Variants in OR2L13 observed in about 807,000 individuals in gnomAD.
OR2L13 encodes olfactory receptor family 2 subfamily L member 13.
In OR2L13, 14 loss-of-function variants were observed where a neutral mutation model predicts 15.3. The ratio of observed to expected loss-of-function variants is 0.91; its 90% CI spans 0.60 to 1.43. The LOEUF (loss-of-function observed/expected upper bound fraction) is 1.43, where lower values mean the gene tolerates loss of function less well. Ranked by LOEUF, OR2L13 falls within the 40% of genes most tolerant of loss-of-function variation. The pLI is 0.00. For synonymous variants in OR2L13, 152 were observed against 142.9 expected, an observed-to-expected ratio of 1.06 and a Z score of -0.45; for missense variants, 367 against 387.9, an observed-to-expected ratio of 0.95 and a Z score of 0.45.
chr1:248,086,801 T>G, the OR2L13 span, among the ~76,000 whole-genome samples: 1 of 151,904 alleles, frequency 6.6e-6, no homozygotes, highest in East Asian at 1.9e-4. Flanking sequence ...AACATTTTAA[T>G]ACTTTTGTAT....
At chr1:247,994,436 A>G in the OR2L13 span, among the ~76,000 whole-genome samples, 2 of 152,092 alleles carry the variant, frequency 1.3e-5, no homozygotes, top group African/African-American at 4.8e-5. Context: ...TGATTATGTT[A>G]CTATGACTGT....
the OR2L13 span, among the ~76,000 whole-genome samples, chr1:248,031,288 T>A: frequency 6.6e-6 from 1 of 152,216 alleles, no homozygotes; most frequent in African/African-American, 2.4e-5. Context: ...CCTTGGAACA[T>A]GAATAATCAA....
At chr1:248,001,251 T>G in the OR2L13 span, among the ~76,000 whole-genome samples, 1 of 152,028 alleles carries the variant, frequency 6.6e-6, no homozygotes, top group Non-Finnish European at 1.5e-5. Context: ...AATCAAGGAA[T>G]GAATGCTGTG....
the OR2L13 span, among the ~76,000 whole-genome samples, chr1:247,980,619 G>T: frequency 1.3e-5 from 2 of 152,078 alleles, no homozygotes; most frequent in Non-Finnish European, 2.9e-5. Context: ...ATTTCTAAAC[G>T]TTGGACTAAG....
the OR2L13 span, chr1:248,038,113 T>A: frequency 1.8e-6 from 1 of 564,390 alleles, no homozygotes. Context: ...AATATGCATT[T>A]ATGGATATAA....
chr1:248,033,345 A>T, the OR2L13 span, among the ~76,000 whole-genome samples: 1 of 152,148 alleles, frequency 6.6e-6, no homozygotes. Flanking sequence ...TGTCCCTTCC[A>T]CATTGAGTAA....
chr1:248,038,729 C>T, the OR2L13 span: 1 of 1,614,038 alleles, frequency 6.2e-7, no homozygotes, highest in African/African-American at 1.3e-5. Flanking sequence ...GCTCTATCAA[C>T]TCTTGTGCTC....
chr1:247,977,992 G>A, the OR2L13 span, among the ~76,000 whole-genome samples: 1 of 152,138 alleles, frequency 6.6e-6, no homozygotes, highest in Non-Finnish European at 1.5e-5. Flanking sequence ...AGGCTGATAT[G>A]AGGCTTCCTT....
At chr1:248,056,336 G>T in the OR2L13 span, among the ~76,000 whole-genome samples, 151,542 of 152,238 alleles carry the variant, frequency 1, 75,428 homozygotes, top group Non-Finnish European at 1. Context: ...AAGGGTTTTT[G>T]TGGGTCTCCA....
At chr1:247,982,115 CATA>C in the OR2L13 span, among the ~76,000 whole-genome samples, 5 of 152,022 alleles carry the variant, frequency 3.3e-5, no homozygotes, top group Non-Finnish European at 7.4e-5. Flanking sequence ...GCGCCTGGCC[CATA>C]ATAACAATTT....
upstream of OR2L13, among the ~76,000 whole-genome samples, chr1:248,095,655 G>A (rs570848825): frequency 8.0e-4 from 55 of 69,016 alleles, no homozygotes; most frequent in Non-Finnish European, 1.5e-3. Context: ...CACCCAGGCT[G>A]GAGTGCAGGG....
chr1:248,079,135 C>A, the OR2L13 span, among the ~76,000 whole-genome samples: 2 of 152,070 alleles, frequency 1.3e-5, no homozygotes, highest in Non-Finnish European at 2.9e-5. Context: ...ATACATATAA[C>A]AACTGGTGAA....
the OR2L13 span, among the ~76,000 whole-genome samples, chr1:247,956,323 A>C: frequency 6.6e-6 from 1 of 151,754 alleles, no homozygotes; most frequent in Non-Finnish European, 1.5e-5. Context: ...TGGTACCAGT[A>C]CCATGCTGTT....
At chr1:248,059,155 T>C in the OR2L13 span, among the ~76,000 whole-genome samples, 1 of 152,196 alleles carries the variant, frequency 6.6e-6, no homozygotes, top group South Asian at 2.1e-4. Flanking sequence ...TGCATATTTC[T>C]GTGTGTTTGC....
the OR2L13 span, chr1:248,003,177 T>C: frequency 6.6e-4 from 952 of 1,452,552 alleles, 14 homozygotes; most frequent in South Asian, 0.01. Flanking sequence ...TTACTGGGGC[T>C]GTTCCCACCA....
chr1:247,973,012 C>A, the OR2L13 span, among the ~76,000 whole-genome samples: 1 of 152,102 alleles, frequency 6.6e-6, no homozygotes, highest in African/African-American at 2.4e-5. Context: ...ATAAACAGAA[C>A]CAATGACAAA....
the OR2L13 span, among the ~76,000 whole-genome samples, chr1:248,047,562 T>C: frequency 6.6e-6 from 1 of 152,286 alleles, no homozygotes. Flanking sequence ...CCAGATTTTG[T>C]TTTTACACGC....
chr1:248,040,599 T>A, the OR2L13 span: 1 of 152,190 alleles, frequency 6.6e-6, no homozygotes, highest in African/African-American at 2.4e-5. Flanking sequence ...GTAAACATAT[T>A]TTCTCTTTCT....
the OR2L13 span, chr1:248,063,266 G>C: frequency 6.6e-6 from 1 of 152,124 alleles, no homozygotes; most frequent in African/African-American, 2.4e-5. Context: ...TCTTTCACCA[G>C]TGATTTGTAC....
Sources: allele counts gnomAD v4.1 joint callset (sites outside exome capture counted in the v4.1 genomes callset), GRCh38; gene constraint gnomAD v4.1.1; transcripts MANE v1.5; gene names NCBI Gene and HGNC (gene_info 2026-07-23, HGNC 2026-07-21).